The following SEC14L3 variants were observed in gnomAD, a reference collection of about 807,000 sequenced individuals.
The protein encoded by SEC14L3 is SEC14-like protein 3.
Under a neutral mutation model 57.4 loss-of-function variants are expected in SEC14L3, and 56 were observed. That is an observed-to-expected ratio of 0.97 (90% CI 0.79 to 1.22). SEC14L3 has a LOEUF of 1.22. Ranked by LOEUF, SEC14L3 falls within the 50% of genes most tolerant of loss-of-function variation. The pLI is 0.00. For missense variants in SEC14L3, 485 were observed against 511.7 expected (o/e 0.95, Z 0.50); for synonymous variants, 173 against 194.4 (o/e 0.89, Z 0.92).
Position 30,459,310 on chromosome 22 carries a change from G to A in SEC14L3, c.*711C>T, listed in dbSNP as rs1370119937. ...AAAGTCCCTAAAACATAAGCTATGT[G>A]CAACAAGGGAAGTGGGTTAGGGTGG... On this transcript the variant is annotated 3_prime_UTR_variant, in exon 12 of 12. Coordinates refer to ENST00000215812, the MANE Select transcript of SEC14L3 (RefSeq NM_174975.5). 1.0e-6 allele frequency: 1 copy of A among 985,298 alleles called. No homozygotes were observed. The highest frequency in any genetic ancestry group is 1.1e-4 in the East Asian group (1 of 8,832). 61.0% of individuals were successfully genotyped at this position (985,298 alleles called of 1,614,324 possible). A position where few individuals can be genotyped will look rare whatever the true frequency, so the allele number is the denominator to read the frequency against.
intron 3 of SEC14L3, 43 bp from the exon 4 acceptor site, chr22:30,470,121 G>T: frequency 5.0e-6 from 8 of 1,609,458 alleles, no homozygotes; most frequent in Non-Finnish European, 6.8e-6. Context: ...GGCTCCCAGT[G>T]CCCTGAGAAC....
downstream of SEC14L3, among the ~76,000 whole-genome samples, chr22:30,455,085 T>C (rs1175169886): frequency 1.3e-5 from 1 of 79,548 alleles, no homozygotes; most frequent in Non-Finnish European, 2.2e-5. Flanking sequence ...ATATATTAAA[T>C]ATTTAATATA....
chr22:30,461,399 C>T lies in SEC14L3; in HGVS notation c.992G>A (p.Gly331Glu), dbSNP rs1264438899. ...GCTGGGTAGAACATCTGTCATCTCC[C>T]CTGCCCGCTGTCGCTCCCCCATCTT... Reference protein sequence around the residue: ...KTKMGERQRAGEMTDVLPSQR... With the variant: ...KTKMGERQRAEEMTDVLPSQR... Residue 331 changes from glycine to glutamate, a missense_variant, in exon 11 of 12, where the codon GGG (glycine) becomes GAG (glutamate). Transcript: ENST00000215812. The T allele has an allele frequency of 6.2e-7, 1 of 1,614,102 alleles. No individual in the cohort carries two copies. Among genetic ancestry groups the T allele is most frequent in the South Asian group, 1.1e-5 (1 of 91,064 alleles).
At chr22:30,451,787 C>T (rs896913362) in intron 12 of SEC14L3, among the ~76,000 whole-genome samples, 9 of 151,764 alleles carry the variant, frequency 5.9e-5, no homozygotes, top group South Asian at 2.1e-4. Context: ...GCCAGGAGTT[C>T]GAGACCAGCC....
downstream of SEC14L3, among the ~76,000 whole-genome samples, chr22:30,458,120 C>T (rs531791069): frequency 9.8e-5 from 15 of 152,324 alleles, no homozygotes; most frequent in African/African-American, 3.6e-4. Context: ...GCCTTTGGTT[C>T]CCATTCATCC....
In SEC14L3 at chr22:30,468,520, C is replaced by T; in HGVS notation, c.411G>A (p.Leu137=). The T allele has an allele frequency of 2.5e-6, 4 of 1,611,660 alleles. No homozygotes were observed. The highest frequency in any genetic ancestry group is 2.5e-6 in the Non-Finnish European group (3 of 1,178,256). Residue 137 remains leucine (L), a synonymous_variant, in exon 5 of 12, where the codon CTG becomes CTA. Transcript: ENST00000215812. ...DCERILHECD[L]QTERLGKKIE... ...GCCTGGACCTCACCCTCTCTGTCTGCAGGTCACACTCATGCAGGATGCGCT... is the reference window on the plus strand; with the variant it reads ...GCCTGGACCTCACCCTCTCTGTCTGTAGGTCACACTCATGCAGGATGCGCT...
At chr22:30,454,667 C>T (rs1196518805), downstream of SEC14L3, among the ~76,000 whole-genome samples, 8 of 96,228 alleles carry the variant, frequency 8.3e-5, no homozygotes, top group African/African-American at 3.1e-4. Context: ...TATATATAAT[C>T]TATAATATTA....
At chr22:30,454,800 ATAT>A (rs1935065344), downstream of SEC14L3, among the ~76,000 whole-genome samples, 1 of 58,492 alleles carries the variant, frequency 1.7e-5, no homozygotes, top group African/African-American at 9.0e-5. Context: ...ATATTATTGT[ATAT>A]TATATATTTT....
chr22:30,464,993 T>C, intron 7 of SEC14L3, 90 bp from the exon 8 acceptor site: 1 of 1,580,778 alleles, frequency 6.3e-7, no homozygotes, highest in Non-Finnish European at 8.6e-7. Context: ...TACAGAGGAG[T>C]CATGACTAAC....
downstream of SEC14L3, among the ~76,000 whole-genome samples, chr22:30,456,553 G>A (rs373560178): frequency 1.3e-5 from 2 of 152,024 alleles, no homozygotes; most frequent in Non-Finnish European, 2.9e-5. Context: ...CCTCTTTTAA[G>A]CAATTGTAGA....
chr22:30,468,927 A>G, intron 4 of SEC14L3: 2 of 1,480,658 alleles, frequency 1.4e-6, no homozygotes, highest in South Asian at 2.7e-5. Context: ...TGGACTTCTT[A>G]GGTCTGCCCC....
At position 30,470,537 on chromosome 22, in the gene SEC14L3, C is replaced by G; in HGVS notation, c.100G>C (p.Asp34His). 3 of 1,614,186 alleles carry G rather than the reference C, an allele frequency of 1.9e-6. No homozygotes were observed. Among genetic ancestry groups the G allele is most frequent in the Non-Finnish European group, 2.5e-6 (3 of 1,180,032 alleles). Residue 34 changes from aspartate to histidine, a missense_variant, in exon 2 of 12, where the codon GAT becomes CAT. Asp to His is a moderately conservative substitution (Grantham distance 81). Transcript: ENST00000215812. Reference sequence around the variant, plus strand: ...AGCCAGCGTAGAAGGAAATAATCATCAGGGTTGGGCAGGGCAGGAAGCACA... The same window carrying G: ...AGCCAGCGTAGAAGGAAATAATCATGAGGGTTGGGCAGGGCAGGAAGCACA... ...QDVLPALPNP[D>H]DYFLLRWLRA...
chr22:30,467,310 C>T (rs1046232616), intron 5 of SEC14L3, among the ~76,000 whole-genome samples: 1 of 148,014 alleles, frequency 6.8e-6, no homozygotes, highest in African/African-American at 2.6e-5. Context: ...CACCCACCCC[C>T]GTATATATCA....
rs1172652419 is a variant in SEC14L3 at position 30,459,945 on chromosome 22, T to C, written c.*76A>G. 2 of 1,555,200 alleles carry C rather than the reference T, an allele frequency of 1.3e-6. No homozygotes were observed. Among genetic ancestry groups the C allele is most frequent in the Admixed American group, 3.7e-5 (2 of 53,516 alleles). ...GAGTCAGGAGGACTAACAATCAATT[T>C]CAGGGAGGGAGGGAGTGTAGGATAT... On this transcript the variant is annotated 3_prime_UTR_variant, in exon 12 of 12. Coordinates refer to ENST00000215812, the MANE Select transcript of SEC14L3 (RefSeq NM_174975.5).
downstream of SEC14L3, among the ~76,000 whole-genome samples, chr22:30,456,434 CAGCT>C (rs1556006188): frequency 6.6e-6 from 1 of 152,034 alleles, no homozygotes; most frequent in Non-Finnish European, 1.5e-5. Context: ...GGCATCTGCT[CAGCT>C]TCTGGTGAGG....
chr22:30,466,207 A>C, intron 7 of SEC14L3, 127 bp downstream of exon 7: 1 of 778,668 alleles, frequency 1.3e-6, no homozygotes, highest in Non-Finnish European at 2.2e-6. Flanking sequence ...AGGCATTCTA[A>C]GTGATTTGCA....
At chr22:30,466,084 C>CA (rs1428926212) in intron 7 of SEC14L3, among the ~76,000 whole-genome samples, 2 of 152,196 alleles carry the variant, frequency 1.3e-5, no homozygotes, top group Admixed American at 1.3e-4. Flanking sequence ...GAGAGATCAT[C>CA]ATGGACAGGA....
chr22:30,456,822 G>A (rs554167872), downstream of SEC14L3, among the ~76,000 whole-genome samples: 1 of 152,360 alleles, frequency 6.6e-6, no homozygotes, highest in African/African-American at 2.4e-5. Context: ...TAAGACTGGA[G>A]GCTAGAAGCT....
At chr22:30,451,683 G>A (rs536833224) in intron 12 of SEC14L3, among the ~76,000 whole-genome samples, 3 of 152,044 alleles carry the variant, frequency 2.0e-5, no homozygotes, top group African/African-American at 7.2e-5. Flanking sequence ...CTGCACTTAC[G>A]AGATCAAGAA....
Sources: allele counts gnomAD v4.1 joint callset (sites outside exome capture counted in the v4.1 genomes callset), GRCh38; gene constraint gnomAD v4.1.1; transcripts MANE v1.5; gene names NCBI Gene and HGNC (gene_info 2026-07-23, HGNC 2026-07-21).